The following CDK14 variants were observed in gnomAD, a reference collection of about 807,000 sequenced individuals.
CDK14 encodes cyclin dependent kinase 14.
Under a neutral mutation model 60.7 loss-of-function variants are expected in CDK14, and 34 were observed. The observed-to-expected ratio is 0.56, with a 90% confidence interval of 0.43 to 0.75. CDK14 has a LOEUF of 0.75. CDK14 is among the 30% of genes least tolerant of loss of function. The pLI, the probability that CDK14 is intolerant of heterozygous loss-of-function variation, is 0.00. For synonymous variants in CDK14, 197 were observed against 203.7 expected (o/e 0.97, Z 0.28); for missense variants, 482 against 564.1 (o/e 0.85, Z 1.47).
chr7:90,837,060 T>C (rs893966218), intron 5 of CDK14, among the ~76,000 whole-genome samples: 1 of 152,150 alleles, frequency 6.6e-6, no homozygotes, highest in Non-Finnish European at 1.5e-5. Context: ...AAATAAAGGG[T>C]TTCTGGGACA....
chr7:90,864,033 T>C (rs907233373), intron 6 of CDK14, among the ~76,000 whole-genome samples: 3 of 152,106 alleles, frequency 2.0e-5, no homozygotes, highest in Non-Finnish European at 4.4e-5. Flanking sequence ...CAGACATTTA[T>C]TTAGAATAGT....
At chr7:91,173,279 C>T (rs1801587226) in intron 14 of CDK14, among the ~76,000 whole-genome samples, 1 of 152,186 alleles carries the variant, frequency 6.6e-6, no homozygotes, top group Non-Finnish European at 1.5e-5. Flanking sequence ...TCATTCACCT[C>T]ATTAAGAGGT....
chr7:90,963,295 G>C (rs1794658585), intron 9 of CDK14, among the ~76,000 whole-genome samples: 1 of 152,030 alleles, frequency 6.6e-6, no homozygotes, highest in African/African-American at 2.4e-5. Context: ...GGTAGAGTGT[G>C]CCTATAGTCC....
At chr7:91,028,021 A>AT (rs150406840) in intron 10 of CDK14, among the ~76,000 whole-genome samples, 9 of 133,032 alleles carry the variant, frequency 6.8e-5, no homozygotes, top group South Asian at 5.4e-4. Flanking sequence ...CCAATAGGTG[A>AT]TTTTTTTTTA....
At chr7:90,618,642 A>G (rs1228330420) in intron 2 of CDK14, among the ~76,000 whole-genome samples, 2 of 152,138 alleles carry the variant, frequency 1.3e-5, no homozygotes, top group Non-Finnish European at 2.9e-5. Flanking sequence ...GGAGTTAGAG[A>G]TGTTTTATAA....
chr7:91,146,646 C>G (rs1562924302), intron 14 of CDK14, among the ~76,000 whole-genome samples: 1 of 152,128 alleles, frequency 6.6e-6, no homozygotes, highest in African/African-American at 2.4e-5. Context: ...TTGCTTTTAC[C>G]ACTTAGAAAG....
chr7:90,931,476 A>G (rs150556001), intron 8 of CDK14, among the ~76,000 whole-genome samples: 181 of 152,306 alleles, frequency 1.2e-3, no homozygotes, highest in African/African-American at 3.9e-3. Context: ...ATGTCAAACA[A>G]GGTGCTCATT....
intron 6 of CDK14, among the ~76,000 whole-genome samples, chr7:90,887,925 T>C (rs1427307575): frequency 6.6e-6 from 1 of 152,232 alleles, no homozygotes; most frequent in Non-Finnish European, 1.5e-5. Context: ...TTATACATTT[T>C]GTAATACTTC....
intron 8 of CDK14, among the ~76,000 whole-genome samples, chr7:90,938,410 G>T (rs1793818057): frequency 6.6e-6 from 1 of 152,100 alleles, no homozygotes; most frequent in Non-Finnish European, 1.5e-5. Context: ...TTTCTCACAG[G>T]CATCTCTTCC....
chr7:91,173,206 G>A (rs705360), intron 14 of CDK14, among the ~76,000 whole-genome samples: 146,467 of 152,276 alleles, frequency 0.96, 70,470 homozygotes, highest in East Asian at 1. Flanking sequence ...CATTCTAGCA[G>A]TTAGTACTTA....
chr7:91,117,416 C>G (rs1799641767), intron 13 of CDK14, among the ~76,000 whole-genome samples: 1 of 151,888 alleles, frequency 6.6e-6, no homozygotes, highest in African/African-American at 2.4e-5. Context: ...TCCTTAAAGT[C>G]AGCTCTCACT....
chr7:91,147,141 G>GTCTCTCTCTCTCTCTCTCTCTCTCTC (rs150638262), intron 14 of CDK14, among the ~76,000 whole-genome samples: 2 of 79,134 alleles, frequency 2.5e-5, no homozygotes, highest in South Asian at 5.0e-4. Context: ...ACCTCTCTCT[G>GTCTCTCTCTCTCTCTCTCTCTCTCTC]TCTCTCTCTC....
At chr7:90,852,540 G>A (rs1790680050) in intron 5 of CDK14, among the ~76,000 whole-genome samples, 2 of 152,192 alleles carry the variant, frequency 1.3e-5, no homozygotes, top group African/African-American at 4.8e-5. Flanking sequence ...CTCAGAGGCT[G>A]GGACTCCCCA....
intron 2 of CDK14, among the ~76,000 whole-genome samples, chr7:90,719,162 C>T (rs1235583934): frequency 3.9e-5 from 6 of 152,064 alleles, no homozygotes; most frequent in Admixed American, 3.9e-4. Context: ...CATAGTTTTG[C>T]ATTGGACCTG....
intron 2 of CDK14, among the ~76,000 whole-genome samples, chr7:90,647,698 T>G (rs1800499726): frequency 6.6e-6 from 1 of 152,072 alleles, no homozygotes; most frequent in South Asian, 2.1e-4. Flanking sequence ...TTTAAATAAA[T>G]TGCTACATTA....
intron 14 of CDK14, among the ~76,000 whole-genome samples, chr7:91,150,160 A>G (rs914746804): frequency 6.6e-6 from 1 of 152,230 alleles, no homozygotes; most frequent in Non-Finnish European, 1.5e-5. Context: ...CCAAAAAATT[A>G]CAACATCTTC....
intron 2 of CDK14, among the ~76,000 whole-genome samples, chr7:90,646,277 A>G (rs1800464684): frequency 1.3e-5 from 2 of 149,724 alleles, no homozygotes; most frequent in African/African-American, 4.9e-5. Flanking sequence ...AATTAGTGAG[A>G]GGCATACTGA....
intron 2 of CDK14, among the ~76,000 whole-genome samples, chr7:90,652,673 T>G (rs962786910): frequency 6.6e-6 from 1 of 152,230 alleles, no homozygotes; most frequent in Non-Finnish European, 1.5e-5. Context: ...TAATGGTACT[T>G]CCTGTACACA....
chr7:90,874,982 C>CTAAAGAGAA, intron 6 of CDK14, among the ~76,000 whole-genome samples: 1 of 152,246 alleles, frequency 6.6e-6, no homozygotes, highest in Non-Finnish European at 1.5e-5. Context: ...ATTCATTACC[C>CTAAAGAGAA]TAAAGAGAAT....
Sources: allele counts gnomAD v4.1 joint callset (sites outside exome capture counted in the v4.1 genomes callset), GRCh38; gene constraint gnomAD v4.1.1; transcripts MANE v1.5; gene names NCBI Gene and HGNC (gene_info 2026-07-23, HGNC 2026-07-21).